Variants in UBE2J2 observed in about 807,000 individuals in gnomAD.
The protein encoded by UBE2J2 is ubiquitin conjugating enzyme E2 J2, also known as ubiquitin-conjugating enzyme E2 J2.
In UBE2J2, 5 loss-of-function variants were observed where a neutral mutation model predicts 28.6. The observed-to-expected ratio is 0.17, with a 90% CI of 0.09 to 0.37. The LOEUF is 0.37. Ranked by LOEUF, UBE2J2 falls within the 10% of genes least tolerant of loss-of-function variation. UBE2J2 has a pLI of 1.00. For missense variants in UBE2J2, 226 were observed against 338.9 expected (o/e 0.67, Z 2.62); for synonymous variants, 138 against 139.7 (o/e 0.99, Z 0.09).
rs945285645 is a variant in UBE2J2, at chr1:1,267,666, G to T, written c.131+196C>A. ...CCTGAGTCAAGCATGGCTCTGTGAT[G>T]TCCCCGGCATGCGTCCATTGGGAAA... On this transcript the variant is annotated intron_variant, in intron 2 of 6. Coordinates refer to ENST00000349431, the MANE Select transcript of UBE2J2 (RefSeq NM_058167.3). The T allele has an allele frequency of 5.2e-6, 7 of 1,338,144 alleles. No homozygotes were observed. In the African/African-American group the frequency reaches 1.0e-4, roughly 20 times the overall value. 82.9% of individuals were successfully genotyped at this position (1,338,144 alleles called of 1,614,324 possible).
chr1:1,267,255 T>C (rs529152060), intron 2 of UBE2J2, among the ~76,000 whole-genome samples: 1 of 152,264 alleles, frequency 6.6e-6, no homozygotes, highest in South Asian at 2.1e-4. Context: ...CAGAGCAGTA[T>C]GCACTCTCAC....
rs762402245 is a variant in UBE2J2, at chr1:1,257,219, C to T, written c.264G>A (p.Lys88=). The T allele has an allele frequency of 6.2e-7, 1 of 1,610,054 alleles. No individual in the cohort carries two copies. The highest frequency in any genetic ancestry group is 8.5e-7 in the Non-Finnish European group (1 of 1,177,794). The change falls in exon 4 of 7, where the codon AAG becomes AAA. Residue 88 remains lysine (K), a synonymous_variant. Transcript: ENST00000349431. ...TCCAGGCACCTTACCTGGTGTTGCA[C>T]TTAAACCTCCCGTTGGGAGTGATCA... The part of the protein sequence containing the change: ...IYMITPNGRF[K]CNTRLCLSIT...
At chr1:1,266,935 T>C (rs1008288897) in intron 2 of UBE2J2, among the ~76,000 whole-genome samples, 7 of 151,990 alleles carry the variant, frequency 4.6e-5, no homozygotes, top group Admixed American at 2.0e-4. Flanking sequence ...GTTGCCCAGG[T>C]TGGAGTGCAG....
At chr1:1,266,746 G>A (rs1442926736) in intron 2 of UBE2J2, among the ~76,000 whole-genome samples, 1 of 152,056 alleles carries the variant, frequency 6.6e-6, no homozygotes, top group African/African-American at 2.4e-5. Context: ...AGAATGGCAT[G>A]AACCCGGCAG....
Position 1,268,291 on chromosome 1 carries a change from A to G in UBE2J2, c.1-299T>C, listed in dbSNP as rs550792536. Among the ~76,000 whole-genome samples the G allele has an allele frequency of 4.6e-5, 7 of 152,158 alleles. No individual in the cohort carries two copies. Among genetic ancestry groups the G allele is most frequent in the East Asian group, 1.9e-4 (1 of 5,174 alleles). On this transcript the variant is annotated intron_variant, in intron 1 of 6. Coordinates refer to ENST00000349431, the MANE Select transcript of UBE2J2 (RefSeq NM_058167.3). This position sits in a 1 kb window ranked among gnomAD's most constrained non-coding sequence, Gnocchi z 4.7. ...CCTCCAAAAACTCACGCAGGGATAC[A>G]TTTACAGGGCTTGAGGGGGTATTCG...
Position 1,268,119 on chromosome 1 carries a change from G to C in UBE2J2, c.1-127C>G. ...CAGGGCCCGGTCACCCAGAGTCACA[G>C]CTCACAGGTCACCCTCGCTTGCCAC... On this transcript the variant is annotated intron_variant, in intron 1 of 6. Coordinates refer to ENST00000349431, the MANE Select transcript of UBE2J2 (RefSeq NM_058167.3). This position sits in a 1 kb window ranked among gnomAD's most constrained non-coding sequence, Gnocchi z 4.7. 7.6e-7 allele frequency: 1 copy of C among 1,321,982 alleles called. No homozygotes were observed. The highest frequency in any genetic ancestry group is 1.3e-5 in the South Asian group (1 of 76,536). The allele number at this position is 1,321,982 out of a possible 1,614,324, so 81.9% of individuals were successfully genotyped here.
At chr1:1,266,383 G>C in intron 2 of UBE2J2, 1 of 258,948 alleles carries the variant, frequency 3.9e-6, no homozygotes, top group Non-Finnish European at 8.4e-6. Context: ...CCTGAGATAA[G>C]GAGTTCGAGA....
Position 1,255,155 on chromosome 1 carries a change from C to G in UBE2J2, c.*48G>C. 6.5e-7 allele frequency: 1 copy of G among 1,529,456 alleles called. No homozygotes were observed. 94.7% of individuals were successfully genotyped at this position (1,529,456 alleles called of 1,614,324 possible). A position where few individuals can be genotyped will look rare whatever the true frequency, so the allele number is the denominator to read the frequency against. ...GTGTCCAGCCTGCCGAGGTCACGCT[C>G]TGGTGCGCGGTGCCCTCAGTGGCGC... On this transcript the variant is annotated 3_prime_UTR_variant, in exon 7 of 7. Transcript: ENST00000349431.
chr1:1,258,297 T>G (rs1248894249), intron 3 of UBE2J2, among the ~76,000 whole-genome samples: 2 of 152,108 alleles, frequency 1.3e-5, no homozygotes. Flanking sequence ...CGCCTCGGCC[T>G]CCCAAGGTGC....
At chr1:1,265,954 T>TG in intron 2 of UBE2J2, 1 of 955,504 alleles carries the variant, frequency 1.0e-6, no homozygotes, top group Non-Finnish European at 1.4e-6. Context: ...ATTTTAATGG[T>TG]GAGTATTCTT....
intron 1 of UBE2J2, among the ~76,000 whole-genome samples, chr1:1,270,212 G>A (rs188922271): frequency 9.2e-4 from 140 of 152,166 alleles, no homozygotes; most frequent in African/African-American, 3.0e-3. Context: ...ACTGAGTCTC[G>A]GGTACATCTT....
At chr1:1,271,949 G>A (rs959482056) in intron 1 of UBE2J2, among the ~76,000 whole-genome samples, 2 of 138,594 alleles carry the variant, frequency 1.4e-5, no homozygotes, top group Non-Finnish European at 3.0e-5. Context: ...ACTCCAGCCT[G>A]GGCAACAAGA....
intron 3 of UBE2J2, among the ~76,000 whole-genome samples, chr1:1,262,591 C>T (rs1477527260): frequency 6.6e-6 from 1 of 152,250 alleles, no homozygotes; most frequent in East Asian, 1.9e-4. Context: ...GCCTGCTGCT[C>T]CAGCCACCTG....
At chr1:1,271,699 G>T (rs1028578067) in intron 1 of UBE2J2, 3 of 152,198 alleles carry the variant, frequency 2.0e-5, no homozygotes, top group African/African-American at 7.2e-5. Context: ...AAGGGGCTGG[G>T]CGTGGTGGCT....
chr1:1,263,613 T>C, intron 2 of UBE2J2: 2 of 465,022 alleles, frequency 4.3e-6, no homozygotes, highest in Non-Finnish European at 7.9e-6. Context: ...CTATACTTTA[T>C]AAGTTTACCA....
At chr1:1,256,366 C>A in intron 5 of UBE2J2, 1 of 428,952 alleles carries the variant, frequency 2.3e-6, no homozygotes, top group Admixed American at 4.0e-5. Flanking sequence ...CACCAAAGCA[C>A]CGGGCTCCCC....
At chr1:1,263,590 A>G (rs1639681312) in intron 2 of UBE2J2, 3 of 539,348 alleles carry the variant, frequency 5.6e-6, no homozygotes, top group East Asian at 3.0e-5. Flanking sequence ...CTCTTGTAAC[A>G]GGATCTTAGA....
chr1:1,255,985 G>C (rs1053394872), intron 6 of UBE2J2, 60 bp downstream of exon 6: 3 of 1,196,102 alleles, frequency 2.5e-6, no homozygotes, highest in Non-Finnish European at 3.7e-6. Context: ...TCTTTGGAAA[G>C]AGGTGAAACT....
chr1:1,255,849 C>T (rs1639144338), intron 6 of UBE2J2, among the ~76,000 whole-genome samples, 196 bp downstream of exon 6: 1 of 152,264 alleles, frequency 6.6e-6, no homozygotes, highest in Admixed American at 6.5e-5. Context: ...AGCCCCCGGC[C>T]CACCAGCACA....
Sources: allele counts gnomAD v4.1 joint callset (sites outside exome capture counted in the v4.1 genomes callset), GRCh38; gene constraint gnomAD v4.1.1; non-coding constraint Gnocchi (gnomAD v3.1); transcripts MANE v1.5; gene names NCBI Gene and HGNC (gene_info 2026-07-23, HGNC 2026-07-21).